Variants in ACIN1 observed in about 807,000 individuals in gnomAD.
The protein encoded by ACIN1 is apoptotic chromatin condensation inducer 1.
ACIN1 carries 16 observed loss-of-function variants against 146.6 expected under a neutral mutation model. The observed-to-expected ratio is 0.11, with a 90% CI of 0.07 to 0.17. ACIN1 has a LOEUF of 0.17. ACIN1 is among the 10% of genes least tolerant of loss of function. The pLI, the probability that ACIN1 is intolerant of heterozygous loss-of-function variation, is 1.00. For synonymous variants in ACIN1, 569 were observed against 582.7 expected (o/e 0.98, Z 0.34); for missense variants, 1,357 against 1,609.3 (o/e 0.84, Z 2.68).
Position 23,078,135 on chromosome 14 carries a change from G to A in ACIN1, c.2123+16C>T, listed in dbSNP as rs757172725. ...CATAGTTCCCTGTTATACCCCGGTCGAGATATATCACTTACACAGTGTGAT... is the reference window on the plus strand; with the variant it reads ...CATAGTTCCCTGTTATACCCCGGTCAAGATATATCACTTACACAGTGTGAT... On this transcript the variant is annotated intron_variant, in intron 8 of 18. Transcript: ENST00000605057. 3.7e-6 allele frequency: 6 copies of A among 1,611,622 alleles called. No homozygotes were observed. Among genetic ancestry groups the A allele is most frequent in the South Asian group, 2.2e-5 (2 of 90,986 alleles).
chr14:23,095,096 T>G lies in ACIN1; in HGVS notation c.17A>C (p.Glu6Ala). Residue 6 changes from glutamate (E) to alanine (A), a missense_variant, in exon 1 of 19, where the codon GAG becomes GCG. Physicochemically the swap from Glu to Ala is moderately radical, Grantham distance 107 (BLOSUM62 -1). Around this residue, in one of 4 missense-constraint regions of ACIN1, gnomAD observed 22 missense variants for 19.1 expected, o/e 1.15. Transcript: ENST00000605057. The part of the protein sequence containing the change: MAELE[E>A]VTLDGKPLQA... ...AAGAGGCTTCCCGTCCAGAGTCACC[T>G]CCTCCAGCTCCGCCATCTTGCGTGA... 1.2e-6 allele frequency: 2 copies of G among 1,614,164 alleles called. No individual in the cohort carries two copies. Among genetic ancestry groups the G allele is most frequent in the Middle Eastern group, 1.6e-4 (1 of 6,062 alleles).
Position 23,059,105 on chromosome 14 carries a change from T to C in ACIN1, c.*43A>G, listed in dbSNP as rs749292899. 2 of 1,595,624 alleles carry C rather than the reference T, an allele frequency of 1.3e-6. No homozygotes were observed. The highest frequency in any genetic ancestry group is 1.7e-6 in the Non-Finnish European group (2 of 1,169,122). On this transcript the variant is annotated 3_prime_UTR_variant, in exon 19 of 19. Coordinates refer to ENST00000605057, the MANE Select transcript of ACIN1 (RefSeq NM_001386863.1). ...CTATCCCTCTGTGGCCATAACCCCC[T>C]GGGGCCGAGTGGCTGGTACCTGCAG...
At chr14:23,075,758 G>C (rs1254971976) in intron 8 of ACIN1, among the ~76,000 whole-genome samples, 2 of 151,346 alleles carry the variant, frequency 1.3e-5, no homozygotes, top group Non-Finnish European at 2.9e-5. Flanking sequence ...AGGCTGGAGT[G>C]CAATGGCGTG....
rs377428425 is a variant in ACIN1, at chr14:23,071,691, G to A, written c.2124-2074C>T. The A allele has an allele frequency of 1.4e-4, 119 of 846,476 alleles. No individual in the cohort carries two copies. The East Asian group carries it at 3.0e-3, about 22-fold the overall frequency. The allele number at this position is 846,476 out of a possible 1,614,324, so 52.4% of individuals were successfully genotyped here. ...GGCAGGCCACAGGGAGCCGACTGCT[G>A]GCTCCAGAGGCCTGGCCTTCTTTTC... On this transcript the variant is annotated intron_variant, in intron 8 of 18. Coordinates refer to ENST00000605057, the MANE Select transcript of ACIN1 (RefSeq NM_001386863.1).
At chr14:23,095,311 C>G, upstream of ACIN1, 1 of 1,565,244 alleles carries the variant, frequency 6.4e-7, no homozygotes, top group South Asian at 1.2e-5. Context: ...TCTTTCCATC[C>G]GCCCTGCAGC....
intron 8 of ACIN1, among the ~76,000 whole-genome samples, chr14:23,071,936 A>C (rs1035743803): frequency 4.6e-5 from 7 of 152,238 alleles, no homozygotes; most frequent in Non-Finnish European, 1.0e-4. Context: ...TTGAAAAGTG[A>C]TTAAAGAAGG....
intron 2 of ACIN1, among the ~76,000 whole-genome samples, chr14:23,093,143 C>G (rs2048270171): frequency 6.6e-6 from 1 of 152,232 alleles, no homozygotes; most frequent in South Asian, 2.1e-4. Flanking sequence ...TACTTCATAT[C>G]TATACTCAAA....
chr14:23,062,626 G>C lies in ACIN1; in HGVS notation c.2884-103C>G, dbSNP rs954867266. 5 of 1,139,820 alleles carry C rather than the reference G, an allele frequency of 4.4e-6. No homozygotes were observed. In the South Asian group the frequency reaches 5.1e-5, roughly 12 times the overall value. The allele number at this position is 1,139,820 out of a possible 1,614,324, so 70.6% of individuals were successfully genotyped here. On this transcript the variant is annotated intron_variant, in intron 14 of 18. Transcript: ENST00000605057. ...TCACAGGAGTATAGTTTCAAGGTTT[G>C]GGGGAGGGCAGAGAGTTTAGGAACC...
intron 8 of ACIN1, chr14:23,071,192 A>G (rs2047635569): frequency 6.5e-7 from 1 of 1,528,224 alleles, no homozygotes; most frequent in Non-Finnish European, 8.8e-7. Context: ...CCTTTCTGGA[A>G]TGGAAGAAAT....
At position 23,095,102 on chromosome 14, in the gene ACIN1, A is replaced by G. The variant is rs1594796501; in HGVS notation, c.11T>C (p.Leu4Pro). The G allele has an allele frequency of 6.2e-7, 1 of 1,614,172 alleles. No homozygotes were observed. The highest frequency in any genetic ancestry group is 1.7e-5 in the Admixed American group (1 of 60,026). The stretch of plus-strand genomic sequence containing the variant: ...CTTCCCGTCCAGAGTCACCTCCTCC[A>G]GCTCCGCCATCTTGCGTGAGGTACT... Reference protein sequence around the residue: MAELEEVTLDGKPL... With the variant: MAEPEEVTLDGKPL... Residue 4 changes from leucine to proline, a missense_variant, in exon 1 of 19, where the codon CTG becomes CCG. Physicochemically the swap from Leu to Pro is moderately conservative, Grantham distance 98. Transcript: ENST00000605057.
In ACIN1 at chr14:23,079,826, A is replaced by T. The variant is rs1375458762; in HGVS notation, c.1509T>A (p.Ser503=). 6.2e-7 allele frequency: 1 copy of T among 1,614,136 alleles called. No homozygotes were observed. Among genetic ancestry groups the T allele is most frequent in the East Asian group, 2.2e-5 (1 of 44,892 alleles). ...SLEQKEGRRA[S]HTLLPSHRLK... is the part of the protein sequence containing the mutation. ...ATCTGTGGCTTGGGAGAAGGGTATGAGAAGCTCTTCTGCCTTCCTTCTGTT... is the reference window on the plus strand; with the variant it reads ...ATCTGTGGCTTGGGAGAAGGGTATGTGAAGCTCTTCTGCCTTCCTTCTGTT... The change falls in exon 6 of 19, where the codon TCT becomes TCA. Residue 503 remains serine (S), a synonymous_variant. Coordinates refer to ENST00000605057, the MANE Select transcript of ACIN1 (RefSeq NM_001386863.1).
intron 9 of ACIN1, 117 bp from the exon 10 acceptor site, chr14:23,066,125 G>A: frequency 1.3e-6 from 1 of 766,700 alleles, no homozygotes; most frequent in Non-Finnish European, 2.2e-6. Context: ...GATAGAGTGA[G>A]AGAGAGAGAC....
At position 23,059,185 on chromosome 14, in the gene ACIN1, C is replaced by T. The variant is rs746023844; in HGVS notation, c.3815G>A (p.Arg1272Gln). Residue 1272 changes from arginine to glutamine, a missense_variant, in exon 19 of 19, where the codon CGG (arginine) becomes CAG (glutamine). This residue lies in a region of ACIN1 where 509 missense variants were observed against 719.6 expected (regional missense o/e 0.71). Coordinates refer to ENST00000605057, the MANE Select transcript of ACIN1 (RefSeq NM_001386863.1). ...DTKRHSRSRSRSTPVRDRGGR... is the reference protein window; with the variant it reads ...DTKRHSRSRSQSTPVRDRGGR... ...ACCCCGGTCCCGCACAGGTGTGCTC[C>T]GACTCCGGCTTCTGCTGTGGCGCTT... is the stretch of plus-strand genomic sequence containing the variant. 27 of 1,613,840 alleles carry T rather than the reference C, an allele frequency of 1.7e-5. No individual in the cohort carries two copies. Among genetic ancestry groups the T allele is most frequent in the East Asian group, 2.2e-5 (1 of 44,856 alleles).
At chr14:23,076,311 A>G (rs2047800571) in intron 8 of ACIN1, among the ~76,000 whole-genome samples, 1 of 152,212 alleles carries the variant, frequency 6.6e-6, no homozygotes. Flanking sequence ...TCCTCAGTGA[A>G]GACTGCATTT....
chr14:23,091,392 A>AG (rs2048222693), intron 2 of ACIN1, among the ~76,000 whole-genome samples: 1 of 151,966 alleles, frequency 6.6e-6, no homozygotes, highest in Admixed American at 6.6e-5. Context: ...TGAGCTCAGG[A>AG]GTTCAAGATC....
chr14:23,078,469 A>C (rs1415419395), intron 7 of ACIN1, among the ~76,000 whole-genome samples: 6 of 152,240 alleles, frequency 3.9e-5, no homozygotes, highest in Non-Finnish European at 8.8e-5. Context: ...TTATGCCAGT[A>C]ATCATTTTAT....
chr14:23,083,998 G>C (rs2048020028), intron 4 of ACIN1, among the ~76,000 whole-genome samples: 1 of 151,606 alleles, frequency 6.6e-6, no homozygotes. Context: ...CCAGGCTGGA[G>C]TGCAATGGCA....
chr14:23,071,679 G>C, intron 8 of ACIN1: 1 of 987,104 alleles, frequency 1.0e-6, no homozygotes, highest in Non-Finnish European at 1.4e-6. Context: ...AGGCCACAGG[G>C]AGCCGACTGC....
chr14:23,085,053 T>TA (rs1264535490), intron 4 of ACIN1, among the ~76,000 whole-genome samples: 2 of 152,130 alleles, frequency 1.3e-5, no homozygotes, highest in Non-Finnish European at 2.9e-5. Context: ...ATAAATGTGT[T>TA]AAAGTCAACG....
Sources: allele counts gnomAD v4.1 joint callset (sites outside exome capture counted in the v4.1 genomes callset), GRCh38; gene constraint gnomAD v4.1.1; regional missense constraint gnomAD v4.1.1; transcripts MANE v1.5; gene names NCBI Gene and HGNC (gene_info 2026-07-23, HGNC 2026-07-21).